The following KIAA1217 variants were observed in gnomAD, a reference collection of about 807,000 sequenced individuals.
KIAA1217 encodes the protein KIAA1217, also known as sickle tail protein homolog.
KIAA1217 carries 88 observed loss-of-function variants against 163.9 expected under a neutral mutation model. The ratio of observed to expected loss-of-function variants is 0.54; its 90% CI spans 0.45 to 0.64. KIAA1217 has a LOEUF of 0.64. KIAA1217 is among the 30% of genes least tolerant of loss of function. The pLI is 0.00. For synonymous variants in KIAA1217, 903 were observed against 923.1 expected (o/e 0.98, Z 0.39); for missense variants, 2,372 against 2,475.0 (o/e 0.96, Z 0.88).
chr10:24,369,219 T>TGTGTG (rs2051227773), intron 2 of KIAA1217, among the ~76,000 whole-genome samples: 1 of 65,344 alleles, frequency 1.5e-5, no homozygotes, highest in Admixed American at 1.2e-4. Flanking sequence ...GTGTGTGTGT[T>TGTGTG]TTCATTTGAA....
At chr10:24,363,561 G>GTTTTT (rs965092942) in intron 2 of KIAA1217, among the ~76,000 whole-genome samples, 1 of 64,262 alleles carries the variant, frequency 1.6e-5, no homozygotes, top group Non-Finnish European at 4.4e-5. Context: ...TGTGGGTTTT[G>GTTTTT]TTTTTGTTTT....
chr10:23,698,459 G>T (rs1836193207), intron 1 of KIAA1217, among the ~76,000 whole-genome samples: 1 of 152,164 alleles, frequency 6.6e-6, no homozygotes, highest in African/African-American at 2.4e-5. Flanking sequence ...TTCCAGAACT[G>T]CACTGTTAGA....
intron 2 of KIAA1217, among the ~76,000 whole-genome samples, chr10:24,106,295 C>G (rs2062626389): frequency 6.6e-6 from 1 of 151,952 alleles, no homozygotes; most frequent in South Asian, 2.1e-4. Context: ...TGGAGACTAA[C>G]CAATGAGATA....
At chr10:24,464,401 G>A (rs2062731745) in intron 5 of KIAA1217, among the ~76,000 whole-genome samples, 1 of 152,142 alleles carries the variant, frequency 6.6e-6, no homozygotes, top group Admixed American at 6.5e-5. Context: ...TTCTCGCATT[G>A]AACCGACCGA....
intron 1 of KIAA1217, among the ~76,000 whole-genome samples, chr10:23,951,503 A>G (rs921395486): frequency 6.6e-6 from 1 of 152,070 alleles, no homozygotes; most frequent in Admixed American, 6.5e-5. Context: ...AAATACAAAA[A>G]TTATGCCAGC....
chr10:24,076,671 A>G (rs555548397), intron 2 of KIAA1217, among the ~76,000 whole-genome samples: 14 of 152,262 alleles, frequency 9.2e-5, no homozygotes, highest in African/African-American at 3.4e-4. Flanking sequence ...CACAGTCAGG[A>G]TTCTCTGTCT....
chr10:24,119,716 C>A (rs537153173), intron 2 of KIAA1217, among the ~76,000 whole-genome samples: 1 of 152,314 alleles, frequency 6.6e-6, no homozygotes, highest in Admixed American at 6.5e-5. Context: ...CCTCTACCCT[C>A]TCGTCCTTAT....
chr10:24,341,218 A>G (rs2047058220), intron 2 of KIAA1217, among the ~76,000 whole-genome samples: 1 of 152,064 alleles, frequency 6.6e-6, no homozygotes, highest in African/African-American at 2.4e-5. Context: ...AACTCTTCTT[A>G]TTTTCTTTCT....
chr10:24,134,610 G>T (rs1053760684), intron 2 of KIAA1217, among the ~76,000 whole-genome samples: 2 of 152,156 alleles, frequency 1.3e-5, no homozygotes, highest in African/African-American at 4.8e-5. Flanking sequence ...ATCTCACTCT[G>T]TTCTCCAAGC....
chr10:23,909,823 T>C (rs910489712), intron 1 of KIAA1217, among the ~76,000 whole-genome samples: 3 of 152,230 alleles, frequency 2.0e-5, no homozygotes, highest in African/African-American at 7.2e-5. Context: ...ATGGGATTGC[T>C]GGGCCAAATG....
At chr10:24,053,853 G>A (rs1465754532) in intron 2 of KIAA1217, among the ~76,000 whole-genome samples, 1 of 152,048 alleles carries the variant, frequency 6.6e-6, no homozygotes, top group Non-Finnish European at 1.5e-5. Flanking sequence ...TTTCCCCCAG[G>A]TAATATGAGT....
chr10:24,400,791 G>A (rs1314353518), intron 3 of KIAA1217, among the ~76,000 whole-genome samples: 2 of 151,990 alleles, frequency 1.3e-5, no homozygotes, highest in Non-Finnish European at 2.9e-5. Flanking sequence ...TTAGAGACAG[G>A]ATCAAGCAAC....
At chr10:24,441,964 A>G (rs750447081) in intron 5 of KIAA1217, among the ~76,000 whole-genome samples, 2 of 152,154 alleles carry the variant, frequency 1.3e-5, no homozygotes, top group African/African-American at 4.8e-5. Flanking sequence ...TGGCTTTTTC[A>G]TAGTGTGGGG....
intron 1 of KIAA1217, among the ~76,000 whole-genome samples, chr10:23,863,581 C>T (rs531742562): frequency 1.3e-5 from 2 of 152,304 alleles, no homozygotes; most frequent in African/African-American, 4.8e-5. Flanking sequence ...TCACCAGTCA[C>T]CAGGTGCTGA....
intron 1 of KIAA1217, among the ~76,000 whole-genome samples, chr10:23,934,575 A>ATATATATATG (rs1554826349): frequency 6.1e-5 from 4 of 65,966 alleles, no homozygotes; most frequent in Non-Finnish European, 1.0e-4. Flanking sequence ...ATATATATAT[A>ATATATATATG]TATATATATA....
chr10:24,286,139 A>C (rs1199506221), intron 2 of KIAA1217, among the ~76,000 whole-genome samples: 2 of 152,172 alleles, frequency 1.3e-5, no homozygotes, highest in African/African-American at 4.8e-5. Context: ...TAAGTGTAGA[A>C]TTGTGTATCT....
At chr10:24,381,983 G>A (rs2053367559) in intron 3 of KIAA1217, among the ~76,000 whole-genome samples, 1 of 151,968 alleles carries the variant, frequency 6.6e-6, no homozygotes, top group Admixed American at 6.6e-5. Context: ...AAAGGCAGAA[G>A]GATTCTTTTT....
At chr10:24,189,571 C>A (rs1225216476) in intron 2 of KIAA1217, among the ~76,000 whole-genome samples, 1 of 152,114 alleles carries the variant, frequency 6.6e-6, no homozygotes, top group Non-Finnish European at 1.5e-5. Flanking sequence ...TACCCTATAA[C>A]AAAAGACAGA....
At chr10:24,061,859 A>G (rs2060735400) in intron 2 of KIAA1217, among the ~76,000 whole-genome samples, 1 of 151,994 alleles carries the variant, frequency 6.6e-6, no homozygotes, top group Non-Finnish European at 1.5e-5. Flanking sequence ...GCCTTTGTGT[A>G]TATTTATTTG....
Sources: allele counts gnomAD v4.1 joint callset (sites outside exome capture counted in the v4.1 genomes callset), GRCh38; gene constraint gnomAD v4.1.1; transcripts MANE v1.5; gene names NCBI Gene and HGNC (gene_info 2026-07-23, HGNC 2026-07-21).